Variants in RBFOX1 observed in about 807,000 individuals in gnomAD.
The protein encoded by RBFOX1 is RNA binding fox-1 homolog 1.
RBFOX1 carries 8 observed loss-of-function variants against 57.7 expected under a neutral mutation model. The observed-to-expected ratio is 0.14, with a 90% CI of 0.08 to 0.25. The LOEUF (loss-of-function observed/expected upper bound fraction) is 0.25, where lower values mean the gene tolerates loss of function less well. Among genes scored for constraint, RBFOX1 ranks in the 10% least tolerant of loss-of-function variants. The pLI is 1.00. For synonymous variants in RBFOX1, 326 were observed against 222.4 expected, an observed-to-expected ratio of 1.47 and a Z score of -4.15; for missense variants, 611 against 548.5, an observed-to-expected ratio of 1.11 and a Z score of -1.14.
chr16:6,708,585 C>T lies in RBFOX1; in HGVS notation c.-16+53935C>T, dbSNP rs1430368578. ...TTTAAGATGCTCTTAATTGCTTTTA[C>T]TGAAGGGAAATAGAACACCTTTTAA... On this transcript the variant is annotated intron_variant, in intron 3 of 15. Coordinates refer to ENST00000550418, the MANE Select transcript of RBFOX1 (RefSeq NM_018723.4). 2.0e-5 allele frequency among the ~76,000 whole-genome samples: 3 copies of T among 152,168 alleles called. No homozygotes were observed. In the East Asian group the frequency reaches 5.8e-4, roughly 29 times the overall value.
chr16:7,195,351 C>T lies in RBFOX1; in HGVS notation c.27+143253C>T, dbSNP rs78967337. 7.7e-3 allele frequency among the ~76,000 whole-genome samples: 1,178 copies of T among 152,194 alleles called. 27 individuals carry two copies. The highest frequency in any genetic ancestry group is 0.027 in the African/African-American group (1,119 of 41,530). ...CAGTGTCTTTTCTAGCCAGTTTCAC[C>T]AATGACCTGGTGTGCAAATTTGTCC... is the stretch of plus-strand genomic sequence containing the variant. On this transcript the variant is annotated intron_variant, in intron 4 of 15. Coordinates refer to ENST00000550418, the MANE Select transcript of RBFOX1 (RefSeq NM_018723.4).
At chr16:5,806,174 C>T (rs910897580) in intron 3 of RBFOX1, among the ~76,000 whole-genome samples, 2 of 152,178 alleles carry the variant, frequency 1.3e-5, no homozygotes, top group South Asian at 2.1e-4. Context: ...TGTCTTTCTT[C>T]ACCAGCCACT....
chr16:6,040,582 C>CTT (rs2095425697), intron 1 of RBFOX1, among the ~76,000 whole-genome samples: 1 of 151,208 alleles, frequency 6.6e-6, no homozygotes, highest in East Asian at 1.9e-4. Flanking sequence ...CTCTCTCTCT[C>CTT]TCTTTCTTTC....
intron 3 of RBFOX1, among the ~76,000 whole-genome samples, chr16:6,677,782 T>C (rs1394649405): frequency 6.6e-6 from 1 of 152,194 alleles, no homozygotes; most frequent in African/African-American, 2.4e-5. Context: ...AAGTTATTAA[T>C]ATAGAGGAAG....
In RBFOX1 at chr16:6,830,248, C is replaced by T. The variant is rs1450262917; in HGVS notation, c.-16+175598C>T. On this transcript the variant is annotated intron_variant, in intron 3 of 15. Coordinates refer to ENST00000550418, the MANE Select transcript of RBFOX1 (RefSeq NM_018723.4). ...ATTTTCTTAATGTGTGTGAAGACAT[C>T]AGTATCTAAGAAAAGATTGTGCATT... Among the ~76,000 whole-genome samples the T allele has an allele frequency of 3.9e-5, 6 of 152,156 alleles. No homozygotes were observed. In the East Asian group the frequency reaches 7.7e-4, roughly 20 times the overall value.
Position 5,685,729 on chromosome 16 carries a change from C to T in RBFOX1, c.318+86768C>T, listed in dbSNP as rs186362360. ...TCAGGAGGTGAGGAGAGGGTGGTGC[C>T]TCCTTCATGGGCTGACAGGATTGTA... is the stretch of plus-strand genomic sequence containing the variant. On this transcript the variant is annotated intron_variant, in intron 3 of 19. Transcript: ENST00000641259. Among the ~76,000 whole-genome samples, 1,303 of 152,246 alleles carry T rather than the reference C, an allele frequency of 8.6e-3. 19 individuals are homozygous for T. Among genetic ancestry groups the T allele is most frequent in the Middle Eastern group, 0.014 (4 of 294 alleles).
At chr16:5,545,972 G>T (rs570015439) in intron 2 of RBFOX1, among the ~76,000 whole-genome samples, 7 of 152,132 alleles carry the variant, frequency 4.6e-5, no homozygotes, top group African/African-American at 1.7e-4. Flanking sequence ...TGAATTTAGT[G>T]AGATTATAGA....
chr16:7,152,391 T>C (rs964962404), intron 4 of RBFOX1, among the ~76,000 whole-genome samples: 3 of 152,208 alleles, frequency 2.0e-5, no homozygotes, highest in African/African-American at 7.2e-5. Flanking sequence ...CAGTACCTAA[T>C]CCCAACCCTT....
chr16:7,168,964 G>T (rs1442516351), intron 4 of RBFOX1, among the ~76,000 whole-genome samples: 1 of 152,060 alleles, frequency 6.6e-6, no homozygotes, highest in African/African-American at 2.4e-5. Context: ...GAACTCCATG[G>T]GGAATAATTC....
intron 2 of RBFOX1, among the ~76,000 whole-genome samples, chr16:6,537,978 A>C (rs887093432): frequency 6.6e-6 from 1 of 151,926 alleles, no homozygotes; most frequent in African/African-American, 2.4e-5. Context: ...AGTGATTTGC[A>C]GATTAATTCT....
chr16:6,955,389 C>G (rs193248606), intron 3 of RBFOX1, among the ~76,000 whole-genome samples: 3 of 152,018 alleles, frequency 2.0e-5, no homozygotes, highest in East Asian at 1.9e-4. Flanking sequence ...CATACACACA[C>G]TCAAAACCCC....
At chr16:7,227,299 C>G (rs898218969) in intron 4 of RBFOX1, among the ~76,000 whole-genome samples, 1 of 134,558 alleles carries the variant, frequency 7.4e-6, no homozygotes, top group Non-Finnish European at 1.7e-5. Flanking sequence ...CACCCCCACA[C>G]ACACACACAG....
intron 3 of RBFOX1, among the ~76,000 whole-genome samples, chr16:6,986,710 C>G (rs764911540): frequency 6.6e-6 from 1 of 151,994 alleles, no homozygotes; most frequent in African/African-American, 2.4e-5. Context: ...TGTCTTTTTG[C>G]AAATTCTTGA....
intron 4 of RBFOX1, among the ~76,000 whole-genome samples, chr16:7,160,779 T>A (rs574068833): frequency 6.7e-6 from 1 of 148,506 alleles, no homozygotes; most frequent in African/African-American, 2.5e-5. Context: ...CGCCTCCCCC[T>A]TTTTTCTCCC....
intron 1 of RBFOX1, among the ~76,000 whole-genome samples, chr16:6,266,180 C>G (rs1162618877): frequency 6.6e-6 from 1 of 152,170 alleles, no homozygotes; most frequent in East Asian, 1.9e-4. Context: ...AGTCACTTCT[C>G]TATCAGCCTG....
intron 1 of RBFOX1, among the ~76,000 whole-genome samples, chr16:5,375,188 T>C (rs1209563746): frequency 6.6e-6 from 1 of 152,036 alleles, no homozygotes; most frequent in East Asian, 1.9e-4. Flanking sequence ...TCAGAGCCTT[T>C]AGCACTTTAA....
chr16:5,938,035 G>C (rs1248538044), intron 4 of RBFOX1, among the ~76,000 whole-genome samples: 1 of 152,008 alleles, frequency 6.6e-6, no homozygotes, highest in Non-Finnish European at 1.5e-5. Flanking sequence ...AATCCATCAG[G>C]ATAATTTCAC....
chr16:6,664,714 A>G (rs2098721333), intron 3 of RBFOX1, among the ~76,000 whole-genome samples: 1 of 152,200 alleles, frequency 6.6e-6, no homozygotes, highest in South Asian at 2.1e-4. Context: ...GCAGGGATGG[A>G]AGTCAGTTCT....
At chr16:7,149,598 A>G (rs1601064182) in intron 4 of RBFOX1, among the ~76,000 whole-genome samples, 1 of 144,248 alleles carries the variant, frequency 6.9e-6, no homozygotes, top group Non-Finnish European at 1.5e-5. Context: ...AGATCCTCTC[A>G]CCCCAGCCTC....
Sources: gnomAD v4.1 joint callset for allele counts (sites outside exome capture counted in the v4.1 genomes callset) on GRCh38, gnomAD v4.1.1 for gene constraint, MANE v1.5 for transcripts, NCBI Gene and HGNC (gene_info 2026-07-23, HGNC 2026-07-21) for gene names.